The following COG7 variants were observed in gnomAD, a reference collection of about 807,000 sequenced individuals.
COG7 encodes conserved oligomeric Golgi complex subunit 7.
Under a neutral mutation model 91.5 loss-of-function variants are expected in COG7, and 49 were observed. That is an observed-to-expected ratio of 0.54 (90% CI 0.43 to 0.68). COG7 has a LOEUF of 0.68. Ranked by LOEUF, COG7 falls within the 30% of genes least tolerant of loss-of-function variation. The pLI, the probability that COG7 is intolerant of heterozygous loss-of-function variation, is 0.00. For missense variants in COG7, 895 were observed against 961.3 expected, an observed-to-expected ratio of 0.93 and a Z score of 0.91; for synonymous variants, 365 against 388.7, an observed-to-expected ratio of 0.94 and a Z score of 0.72.
intron 14 of COG7, among the ~76,000 whole-genome samples, chr16:23,394,131 G>A (rs1379179916): frequency 2.7e-5 from 4 of 149,662 alleles, no homozygotes; most frequent in African/African-American, 9.8e-5. Flanking sequence ...ACCAGAAGAA[G>A]AAAGGAATTC....
chr16:23,450,830 CAAA>C (rs1312085477), intron 1 of COG7, among the ~76,000 whole-genome samples: 1 of 139,920 alleles, frequency 7.1e-6, no homozygotes, highest in African/African-American at 2.6e-5. Context: ...GACCCTGTCT[CAAA>C]AAAAAAAAGA....
intron 4 of COG7, among the ~76,000 whole-genome samples, chr16:23,439,335 A>G (rs250558): frequency 0.16 from 23,095 of 140,406 alleles, 2,330 homozygotes; most frequent in East Asian, 0.26. Context: ...AAAGATAAGC[A>G]TATGATCCAG....
chr16:23,406,086 T>C lies in COG7; in HGVS notation c.1652A>G (p.Tyr551Cys). ...CATTTGGTCTCATACCTTAAGGGTA[T>C]AAAGTATTTCCATTAAACTGGCATA... ...AEYASLMEIL[Y>C]TLKEKGSSNH... The change falls in exon 12 of 17, where the codon TAT (tyrosine) becomes TGT (cysteine). Residue 551 changes from tyrosine to cysteine, a missense_variant. Tyr to Cys is a radical substitution (Grantham distance 194). Coordinates refer to ENST00000307149, the MANE Select transcript of COG7 (RefSeq NM_153603.4). 1 of 1,613,894 alleles carries C rather than the reference T, an allele frequency of 6.2e-7. No homozygotes were observed. The highest frequency in any genetic ancestry group is 1.1e-5 in the South Asian group (1 of 91,088).
At chr16:23,389,734 CT>C (rs1238315867) in intron 16 of COG7, 1 of 153,932 alleles carries the variant, frequency 6.5e-6, no homozygotes, top group African/African-American at 2.4e-5. Context: ...CAGATGACCC[CT>C]GAGGCACTGG....
intron 16 of COG7, chr16:23,391,865 G>C: frequency 2.7e-6 from 1 of 370,990 alleles, no homozygotes; most frequent in Non-Finnish European, 4.1e-6. Context: ...ATGCTATCTG[G>C]ATGGAGACCA....
At chr16:23,424,098 C>T (rs1291170578) in intron 7 of COG7, among the ~76,000 whole-genome samples, 2 of 152,010 alleles carry the variant, frequency 1.3e-5, no homozygotes, top group African/African-American at 2.4e-5. Flanking sequence ...GTCAGGAGTT[C>T]GAGACCAGCC....
chr16:23,416,976 A>G lies in COG7; in HGVS notation c.1283T>C (p.Leu428Pro). The change falls in exon 9 of 17, where the codon CTC becomes CCC. Residue 428 changes from leucine (L) to proline (P), a missense_variant. By Grantham distance (98) the Leu-to-Pro change is moderately conservative (BLOSUM62 -3). Transcript: ENST00000307149. Reference protein sequence around the residue: ...TCGLLSALKSLFAKYVSDFTS... With the variant: ...TCGLLSALKSPFAKYVSDFTS... ...AGTTCCCCAGCCTTACTTGGCAAAG[A>G]GGGATTTCAGGGCTGACAACAGGCC... 1 of 1,614,144 alleles carries G rather than the reference A, an allele frequency of 6.2e-7. No individual in the cohort carries two copies. The highest frequency in any genetic ancestry group is 1.1e-5 in the South Asian group (1 of 91,084).
chr16:23,414,195 T>C (rs1247461876), intron 9 of COG7: 2 of 153,850 alleles, frequency 1.3e-5, no homozygotes, highest in Non-Finnish European at 2.9e-5. Flanking sequence ...AACACTGTAA[T>C]TAAACAGCTT....
At chr16:23,416,939 C>G in intron 9 of COG7, 28 bp downstream of exon 9, 1 of 1,613,996 alleles carries the variant, frequency 6.2e-7, no homozygotes. Context: ...CAATGTGGCC[C>G]GTCTGGTCCC....
At chr16:23,400,783 T>A (rs250580) in intron 13 of COG7, among the ~76,000 whole-genome samples, 46,973 of 151,870 alleles carry the variant, frequency 0.31, 8,686 homozygotes, top group African/African-American at 0.52. Context: ...CAGCCTGGCC[T>A]ACATGGTGAA....
chr16:23,417,127 C>T lies in COG7; in HGVS notation c.1138-6G>A. On this transcript the variant is annotated splice_region_variant and splice_polypyrimidine_tract_variant and intron_variant, in intron 8 of 16. Coordinates refer to ENST00000307149, the MANE Select transcript of COG7 (RefSeq NM_153603.4). The stretch of plus-strand genomic sequence containing the variant: ...TCAATCACTTCCCCATGCTCCTGGT[C>T]AGCAAATACAGACAAAGCTGCATTA... The T allele has an allele frequency of 6.2e-7, 1 of 1,614,180 alleles. No homozygotes were observed. The highest frequency in any genetic ancestry group is 8.5e-7 in the Non-Finnish European group (1 of 1,180,014).
chr16:23,422,347 A>G (rs1963772083), intron 7 of COG7, among the ~76,000 whole-genome samples: 1 of 151,730 alleles, frequency 6.6e-6, no homozygotes, highest in African/African-American at 2.4e-5. Context: ...CAACAAAACT[A>G]TGTCTTAGGA....
At chr16:23,431,020 T>TA (rs1021685761) in intron 6 of COG7, among the ~76,000 whole-genome samples, 17 of 151,414 alleles carry the variant, frequency 1.1e-4, no homozygotes, top group Admixed American at 8.6e-4. Flanking sequence ...TATTTTTATA[T>TA]AAAAAAGAAT....
chr16:23,433,908 G>A (rs1343316785), intron 5 of COG7, among the ~76,000 whole-genome samples: 1 of 151,846 alleles, frequency 6.6e-6, no homozygotes, highest in Non-Finnish European at 1.5e-5. Flanking sequence ...CATTTATCCT[G>A]CCCTAAAAAC....
At chr16:23,396,915 CTT>C (rs34219265) in intron 14 of COG7, among the ~76,000 whole-genome samples, 1 of 151,086 alleles carries the variant, frequency 6.6e-6, no homozygotes, top group Non-Finnish European at 1.5e-5. Flanking sequence ...GTACTTTTTT[CTT>C]TTTTTTTCCT....
At chr16:23,399,107 G>A (rs777110565) in intron 13 of COG7, among the ~76,000 whole-genome samples, 4 of 152,176 alleles carry the variant, frequency 2.6e-5, no homozygotes, top group Non-Finnish European at 5.9e-5. Flanking sequence ...GTTGGATCCG[G>A]TTGCCTGATC....
chr16:23,419,117 C>A (rs1463681995), intron 7 of COG7, among the ~76,000 whole-genome samples: 1 of 152,172 alleles, frequency 6.6e-6, no homozygotes, highest in Non-Finnish European at 1.5e-5. Flanking sequence ...AAAAGATAAC[C>A]CTCATTGGCC....
chr16:23,452,734 C>T, intron 1 of COG7, 92 bp downstream of exon 1: 1 of 1,519,180 alleles, frequency 6.6e-7, no homozygotes, highest in South Asian at 1.2e-5. Context: ...CCATGCGTGC[C>T]CCGCCCACCT....
At position 23,418,763 on chromosome 16, in the gene COG7, G is replaced by A; in HGVS notation, c.1074C>T (p.Tyr358=). ...VDAVYDPYKP[Y]QLKYGDMEES... ...CTTCCATGTCGCCATACTTCAGCTG[G>A]TAGGGTTTGTATGGATCATACACAG... Residue 358 remains tyrosine (Y), a synonymous_variant, in exon 8 of 17, where the codon TAC becomes TAT. Coordinates refer to ENST00000307149, the MANE Select transcript of COG7 (RefSeq NM_153603.4). 1.2e-6 allele frequency: 2 copies of A among 1,613,406 alleles called. No homozygotes were observed.
Sources: allele counts gnomAD v4.1 joint callset (sites outside exome capture counted in the v4.1 genomes callset), GRCh38; gene constraint gnomAD v4.1.1; transcripts MANE v1.5; gene names NCBI Gene and HGNC (gene_info 2026-07-23, HGNC 2026-07-21).